The following EPB41L5 variants were observed in gnomAD, a reference collection of about 807,000 sequenced individuals.
The protein encoded by EPB41L5 is erythrocyte membrane protein band 4.1 like 5.
In EPB41L5, 55 loss-of-function variants were observed where a neutral mutation model predicts 106.6. That is an observed-to-expected ratio of 0.52 (90% confidence interval 0.42 to 0.65). The LOEUF (loss-of-function observed/expected upper bound fraction) is 0.65. Among genes scored for constraint, EPB41L5 ranks in the 30% least tolerant of loss-of-function variants. The pLI, the probability that EPB41L5 is intolerant of heterozygous loss-of-function variation, is 0.00. For synonymous variants in EPB41L5, 297 were observed against 306.7 expected (o/e 0.97, Z 0.33); for missense variants, 871 against 882.1 (o/e 0.99, Z 0.16).
intron 16 of EPB41L5, among the ~76,000 whole-genome samples, chr2:120,110,508 C>T (rs72841629): frequency 0.12 from 18,676 of 152,186 alleles, 1,290 homozygotes; most frequent in South Asian, 0.19. Context: ...TATCTGACAT[C>T]TCTACTTAGG....
chr2:120,095,890 G>A (rs1035525062), intron 14 of EPB41L5, among the ~76,000 whole-genome samples: 3 of 151,904 alleles, frequency 2.0e-5, no homozygotes, highest in East Asian at 1.9e-4. Context: ...GGCTGGTTTC[G>A]AACTCTTGAC....
intron 16 of EPB41L5, among the ~76,000 whole-genome samples, chr2:120,123,438 G>T (rs1685318483): frequency 6.6e-6 from 1 of 151,946 alleles, no homozygotes; most frequent in East Asian, 1.9e-4. Context: ...CACTTGACTT[G>T]TCTCTTAATT....
intron 16 of EPB41L5, among the ~76,000 whole-genome samples, chr2:120,126,406 ATTTGTT>A (rs1374012394): frequency 2.0e-5 from 3 of 151,980 alleles, no homozygotes; most frequent in Non-Finnish European, 4.4e-5. Context: ...TTTCTTCTAT[ATTTGTT>A]CTAAAGTTTT....
chr2:120,097,122 A>G (rs1327381624), intron 14 of EPB41L5, among the ~76,000 whole-genome samples: 2 of 152,244 alleles, frequency 1.3e-5, no homozygotes, highest in Non-Finnish European at 2.9e-5. Context: ...TAATGGCTAA[A>G]TGTTGGTGTC....
rs775383152 is a variant in EPB41L5 at position 120,090,449 on chromosome 2, C to T, written c.976C>T (p.Arg326Ter). 3.7e-6 allele frequency: 6 copies of T among 1,613,730 alleles called. No individual in the cohort carries two copies. Among genetic ancestry groups the T allele is most frequent in the South Asian group, 3.3e-5 (3 of 91,046 alleles). The change falls in exon 12 of 25, where the codon CGA becomes TGA. Residue 326 changes from arginine to a stop codon, truncating the protein, a stop_gained. Transcript: ENST00000263713. LOFTEE classifies it high-confidence loss of function. ...GGAGCATCATGCTTTCTTCCGCCTT[C>T]GAGGCCCCGTCCAAAAGAGTTCTCA... The part of the protein sequence containing the change: ...AVEHHAFFRL[R>*]GPVQKSSHRS...
At chr2:120,063,156 C>A (rs770378034) in intron 3 of EPB41L5, among the ~76,000 whole-genome samples, 1 of 151,608 alleles carries the variant, frequency 6.6e-6, no homozygotes, top group African/African-American at 2.4e-5. Context: ...CCCGGCCAAC[C>A]TGGTGAAAAC....
At chr2:120,163,956 CTTTTT>C (rs987732326) in intron 21 of EPB41L5, among the ~76,000 whole-genome samples, 2 of 133,538 alleles carry the variant, frequency 1.5e-5, no homozygotes, top group East Asian at 2.1e-4. Context: ...CTCAAAACAA[CTTTTT>C]TTTATTTTTT....
At chr2:120,059,059 CTA>C (rs2105274671) in intron 3 of EPB41L5, among the ~76,000 whole-genome samples, 1 of 152,284 alleles carries the variant, frequency 6.6e-6, no homozygotes, top group South Asian at 2.1e-4. Context: ...TCAAGACTTA[CTA>C]TATAGCTTTC....
At chr2:120,031,201 C>T (rs1351144134) in intron 2 of EPB41L5, among the ~76,000 whole-genome samples, 1 of 152,198 alleles carries the variant, frequency 6.6e-6, no homozygotes, top group Admixed American at 6.5e-5. Context: ...AGCTCTGATC[C>T]CCTAATGCTC....
In EPB41L5 at chr2:120,139,152, C is replaced by T. The variant is rs545344672; in HGVS notation, c.1600-3851C>T. ...ATATGCAGAAGAATGAAACTTCTAT[C>T]TCTGCCATATACAAAAATCAAATGA... On this transcript the variant is annotated intron_variant, in intron 18 of 24. Transcript: ENST00000263713. 7.6e-4 allele frequency among the ~76,000 whole-genome samples: 115 copies of T among 151,918 alleles called. 1 individual carries two copies. Among genetic ancestry groups the T allele is most frequent in the African/African-American group, 2.7e-3 (111 of 41,514 alleles).
At chr2:120,051,477 G>T (rs1680283263) in intron 3 of EPB41L5, among the ~76,000 whole-genome samples, 1 of 152,206 alleles carries the variant, frequency 6.6e-6, no homozygotes, top group African/African-American at 2.4e-5. Flanking sequence ...TAATTTCCTG[G>T]TGTGCCGTTT....
intron 1 of EPB41L5, among the ~76,000 whole-genome samples, chr2:120,017,468 G>T (rs1236532029): frequency 1.3e-5 from 2 of 152,122 alleles, no homozygotes; most frequent in Admixed American, 6.5e-5. Flanking sequence ...TGGCTTATTT[G>T]TTGGCTTATG....
chr2:120,061,815 T>C (rs556739591), intron 3 of EPB41L5, among the ~76,000 whole-genome samples: 27 of 152,312 alleles, frequency 1.8e-4, no homozygotes, highest in Non-Finnish European at 3.8e-4. Flanking sequence ...TCAGTATTAA[T>C]TATGTTTTGT....
At chr2:120,016,555 A>T (rs1677540705) in intron 1 of EPB41L5, among the ~76,000 whole-genome samples, 1 of 152,204 alleles carries the variant, frequency 6.6e-6, no homozygotes, top group African/African-American at 2.4e-5. Context: ...AATGACAGAC[A>T]ATATCTTATT....
intron 10 of EPB41L5, among the ~76,000 whole-genome samples, chr2:120,086,501 G>A (rs934267738): frequency 7.2e-5 from 11 of 152,086 alleles, no homozygotes; most frequent in African/African-American, 1.9e-4. Context: ...AGTGGCTCAC[G>A]TCTGAATTCC....
At chr2:120,115,517 C>T (rs1442259239) in intron 16 of EPB41L5, among the ~76,000 whole-genome samples, 3 of 151,746 alleles carry the variant, frequency 2.0e-5, no homozygotes, top group Non-Finnish European at 2.9e-5. Context: ...TCCTGAGTAG[C>T]TGGGATTACA....
chr2:120,093,613 A>G (rs1291382877), intron 14 of EPB41L5, among the ~76,000 whole-genome samples: 1 of 152,122 alleles, frequency 6.6e-6, no homozygotes, highest in African/African-American at 2.4e-5. Context: ...CAAATAGGCA[A>G]TTTTCTTCCT....
At chr2:120,100,410 C>A in intron 15 of EPB41L5, 124 bp downstream of exon 15, 1 of 943,744 alleles carries the variant, frequency 1.1e-6, no homozygotes, top group South Asian at 1.6e-5. Flanking sequence ...TTTTCTTTTC[C>A]TTTTCCCTTA....
At chr2:120,101,421 C>G (rs1276732618) in intron 16 of EPB41L5, among the ~76,000 whole-genome samples, 2 of 152,090 alleles carry the variant, frequency 1.3e-5, no homozygotes, top group Non-Finnish European at 2.9e-5. Flanking sequence ...GAGTTAATCA[C>G]TTGAGTTTAT....
Sources: allele counts gnomAD v4.1 joint callset (sites outside exome capture counted in the v4.1 genomes callset), GRCh38; gene constraint gnomAD v4.1.1; transcripts MANE v1.5; gene names NCBI Gene and HGNC (gene_info 2026-07-23, HGNC 2026-07-21).